The following GRM8 variants were observed in gnomAD, a reference collection of about 807,000 sequenced individuals.
GRM8 encodes metabotropic glutamate receptor 8.
GRM8 carries 47 observed loss-of-function variants against 87.2 expected under a neutral mutation model. That is an observed-to-expected ratio of 0.54 (90% CI 0.43 to 0.69). The LOEUF is 0.69. GRM8 is among the 30% of genes least tolerant of loss of function. The pLI is 0.00. For synonymous variants in GRM8, 396 were observed against 404.5 expected (o/e 0.98, Z 0.25); for missense variants, 1,019 against 1,139.2 (o/e 0.89, Z 1.52).
At chr7:127,202,151 A>G (rs1323015213) in intron 2 of GRM8, among the ~76,000 whole-genome samples, 1 of 150,860 alleles carries the variant, frequency 6.6e-6, no homozygotes, top group Non-Finnish European at 1.5e-5. Context: ...TTATAAATAT[A>G]CCATGATAAC....
chr7:126,824,663 C>G (rs529937927), intron 6 of GRM8, among the ~76,000 whole-genome samples: 22 of 152,300 alleles, frequency 1.4e-4, no homozygotes, highest in African/African-American at 5.3e-4. Context: ...CTAATGGCAC[C>G]CATCCCAAAA....
At chr7:127,215,409 T>C (rs1796464678) in intron 2 of GRM8, among the ~76,000 whole-genome samples, 1 of 142,620 alleles carries the variant, frequency 7.0e-6, no homozygotes, top group South Asian at 2.2e-4. Flanking sequence ...ATCTTCAAGA[T>C]TCCTGGCTTT....
At chr7:126,698,563 C>T (rs1809614963) in intron 7 of GRM8, among the ~76,000 whole-genome samples, 1 of 152,064 alleles carries the variant, frequency 6.6e-6, no homozygotes, top group African/African-American at 2.4e-5. Context: ...ATGTTATTTC[C>T]TATACCTGGA....
At chr7:127,130,258 T>C (rs1252339492) in intron 2 of GRM8, among the ~76,000 whole-genome samples, 1 of 151,812 alleles carries the variant, frequency 6.6e-6, no homozygotes, top group African/African-American at 2.4e-5. Context: ...CTAATACGGA[T>C]AATTGGTACA....
At chr7:126,831,573 G>A (rs1383541835) in intron 6 of GRM8, among the ~76,000 whole-genome samples, 1 of 152,190 alleles carries the variant, frequency 6.6e-6, no homozygotes, top group Non-Finnish European at 1.5e-5. Flanking sequence ...ATTTGGGTGG[G>A]AGTGGCCCAG....
chr7:126,515,631 G>A (rs147176195), intron 9 of GRM8, among the ~76,000 whole-genome samples: 56 of 152,178 alleles, frequency 3.7e-4, no homozygotes, highest in Middle Eastern at 3.4e-3. Flanking sequence ...CGGAACCTGT[G>A]TTCTCACCTT....
intron 6 of GRM8, among the ~76,000 whole-genome samples, chr7:126,866,507 GATTT>G (rs527785873): frequency 6.9e-6 from 1 of 145,744 alleles, no homozygotes; most frequent in Non-Finnish European, 1.5e-5. Flanking sequence ...ACATCACAAA[GATTT>G]ATACTTTTTT....
intron 7 of GRM8, among the ~76,000 whole-genome samples, chr7:126,615,249 C>A (rs1211567054): frequency 1.3e-5 from 2 of 152,074 alleles, no homozygotes; most frequent in Non-Finnish European, 2.9e-5. Context: ...AATTTTCAAC[C>A]CAGAATTTCA....
chr7:126,517,667 G>A (rs1272004635), intron 9 of GRM8, among the ~76,000 whole-genome samples: 1 of 152,000 alleles, frequency 6.6e-6, no homozygotes, highest in African/African-American at 2.4e-5. Context: ...TGTGAATATG[G>A]CCTTTATTTT....
Position 127,252,106 on chromosome 7 carries a change from T to C in GRM8, c.-312+691A>G, listed in dbSNP as rs1798909092. Reference sequence around the variant, plus strand: ...CCGCTAACTTCAGAAATCCCTCCTGTTAGGTTCGCGAAACGAAGGTACCTC... The same window carrying C: ...CCGCTAACTTCAGAAATCCCTCCTGCTAGGTTCGCGAAACGAAGGTACCTC... On this transcript the variant is annotated intron_variant, in intron 1 of 10. Transcript: ENST00000339582. This position sits in a 1 kb window ranked among gnomAD's most constrained non-coding sequence, Gnocchi z 4.9. 6.6e-6 allele frequency: 1 copy of C among 152,166 alleles called. No homozygotes were observed. The highest frequency in any genetic ancestry group is 6.5e-5 in the Admixed American group (1 of 15,274). The allele number at this position is 152,166 out of a possible 1,614,324, so 9.4% of individuals were successfully genotyped here. A position where few individuals can be genotyped will look rare whatever the true frequency, so the allele number is the denominator to read the frequency against.
At chr7:126,950,435 ACAGCAACT>A (rs1808011878) in intron 3 of GRM8, among the ~76,000 whole-genome samples, 4 of 152,192 alleles carry the variant, frequency 2.6e-5, no homozygotes, top group Admixed American at 2.0e-4. Context: ...TAGTATATTA[ACAGCAACT>A]TTCTCTGGTT....
intron 7 of GRM8, among the ~76,000 whole-genome samples, chr7:126,669,945 G>T (rs1037330097): frequency 2.0e-5 from 3 of 152,256 alleles, no homozygotes; most frequent in Non-Finnish European, 4.4e-5. Context: ...TGCAGAAGAG[G>T]TTCTCTGGGT....
chr7:127,231,997 G>T (rs890319436), intron 2 of GRM8, among the ~76,000 whole-genome samples: 5 of 151,040 alleles, frequency 3.3e-5, no homozygotes, highest in Admixed American at 2.0e-4. Context: ...TCCATTTTTT[G>T]AATAAAACTG....
intron 6 of GRM8, among the ~76,000 whole-genome samples, chr7:126,810,885 G>A (rs900357255): frequency 5.9e-5 from 9 of 152,074 alleles, no homozygotes; most frequent in African/African-American, 1.9e-4. Context: ...GTCTCCTTTA[G>A]AGTACACTTG....
At chr7:127,014,952 AG>A (rs150818069) in intron 3 of GRM8, among the ~76,000 whole-genome samples, 6,308 of 141,200 alleles carry the variant, frequency 0.045, 256 homozygotes, top group South Asian at 0.1. Flanking sequence ...AGAAAGAGAG[AG>A]AGAAGAAGAA....
At chr7:126,786,934 T>C (rs1395450018) in intron 6 of GRM8, among the ~76,000 whole-genome samples, 1 of 152,342 alleles carries the variant, frequency 6.6e-6, no homozygotes, top group East Asian at 1.9e-4. Context: ...CAGCATCATA[T>C]TGTTTTCATT....
intron 9 of GRM8, among the ~76,000 whole-genome samples, chr7:126,450,654 A>G (rs1355092440): frequency 6.6e-6 from 1 of 151,692 alleles, no homozygotes; most frequent in Non-Finnish European, 1.5e-5. Flanking sequence ...GAAGAAGTTT[A>G]TAGAGAAACT....
chr7:126,661,252 G>A (rs1486192034), intron 7 of GRM8, among the ~76,000 whole-genome samples: 1 of 152,092 alleles, frequency 6.6e-6, no homozygotes, highest in East Asian at 1.9e-4. Context: ...ATTATGCACT[G>A]CATGCCTGTA....
At chr7:127,226,738 T>A (rs181372257) in intron 2 of GRM8, among the ~76,000 whole-genome samples, 28 of 152,384 alleles carry the variant, frequency 1.8e-4, no homozygotes, top group Admixed American at 1.2e-3. Flanking sequence ...ACACTAGAAT[T>A]CATGCTAGAG....
Sources: allele counts gnomAD v4.1 joint callset (sites outside exome capture counted in the v4.1 genomes callset), GRCh38; gene constraint gnomAD v4.1.1; non-coding constraint Gnocchi (gnomAD v3.1); transcripts MANE v1.5; gene names NCBI Gene and HGNC (gene_info 2026-07-23, HGNC 2026-07-21).